DSN1: variants seen among roughly 807,000 people sequenced by gnomAD.
The protein encoded by DSN1 is DSN1 component of MIS12 kinetochore complex.
Under a neutral mutation model 45.7 loss-of-function variants are expected in DSN1, and 31 were observed. The observed-to-expected ratio is 0.68, with a 90% CI of 0.51 to 0.92. The LOEUF (loss-of-function observed/expected upper bound fraction) is 0.92, where lower values mean the gene tolerates loss of function less well. Among genes scored for constraint, DSN1 ranks in the 40% least tolerant of loss-of-function variants. The probability of loss-of-function intolerance (pLI) is 0.00; values close to 1 mark genes in which losing one functional copy is unlikely to be tolerated. For synonymous variants in DSN1, 134 were observed against 142.3 expected (o/e 0.94, Z 0.41); for missense variants, 394 against 414.2 (o/e 0.95, Z 0.42).
At chr20:36,759,789 A>AGGTAATAG (rs1986874139) in intron 6 of DSN1, among the ~76,000 whole-genome samples, 1 of 152,018 alleles carries the variant, frequency 6.6e-6, no homozygotes, top group African/African-American at 2.4e-5. Flanking sequence ...GGCTTGCACT[A>AGGTAATAG]GGTAATAGCT....
intron 8 of DSN1, among the ~76,000 whole-genome samples, chr20:36,757,503 C>T (rs1315763329): frequency 2.6e-5 from 4 of 152,106 alleles, no homozygotes; most frequent in Non-Finnish European, 5.9e-5. Flanking sequence ...TGCTTGAACC[C>T]GGGAGGCAGA....
At chr20:36,762,409 C>A (rs1987046496) in intron 6 of DSN1, 52 bp downstream of exon 6, 9 of 1,554,116 alleles carry the variant, frequency 5.8e-6, no homozygotes, top group Non-Finnish European at 7.9e-6. Flanking sequence ...CAACGCCCGG[C>A]CTAAAGTCCT....
At chr20:36,772,098 C>T (rs573846286) in intron 1 of DSN1, among the ~76,000 whole-genome samples, 1 of 151,756 alleles carries the variant, frequency 6.6e-6, no homozygotes, top group South Asian at 2.1e-4. Flanking sequence ...CCAGGCTGGT[C>T]TCAAACTCCT....
rs6093395 is a variant in DSN1 at position 36,765,964 on chromosome 20, G to A, written c.502+805C>T. On this transcript the variant is annotated intron_variant, in intron 5 of 10. Coordinates refer to ENST00000373750, the MANE Select transcript of DSN1 (RefSeq NM_001145315.2). ...TCCCAGCACTTTAGGAGGCCAAGGC[G>A]GGCGGATCACCTAAGGTCAGGAATT... Among the ~76,000 whole-genome samples the A allele has an allele frequency of 6.8e-3, 1,022 of 151,360 alleles. 13 individuals carry two copies. The highest frequency in any genetic ancestry group is 0.023 in the African/African-American group (953 of 41,276).
At chr20:36,771,678 TC>T (rs1317324045) in intron 1 of DSN1, among the ~76,000 whole-genome samples, 1 of 152,208 alleles carries the variant, frequency 6.6e-6, no homozygotes, top group Non-Finnish European at 1.5e-5. Flanking sequence ...TATTCAAATC[TC>T]CCTGAACACA....
intron 6 of DSN1, among the ~76,000 whole-genome samples, chr20:36,761,157 G>A (rs1986958559): frequency 6.6e-6 from 1 of 152,074 alleles, no homozygotes; most frequent in Non-Finnish European, 1.5e-5. Context: ...AGGTAGCAAA[G>A]ATGTGAATTA....
At chr20:36,753,422 G>A (rs1986483873) in intron 10 of DSN1, among the ~76,000 whole-genome samples, 1 of 150,940 alleles carries the variant, frequency 6.6e-6, no homozygotes, top group African/African-American at 2.4e-5. Flanking sequence ...CAGATCACTT[G>A]CGGTCAGAAG....
In DSN1 at chr20:36,752,108, G is replaced by C. The variant is rs1294616497; in HGVS notation, c.*680C>G. 6.6e-6 allele frequency: 1 copy of C among 151,904 alleles called. No homozygotes were observed. The highest frequency in any genetic ancestry group is 2.4e-5 in the African/African-American group (1 of 41,350). The allele number at this position is 151,904 out of a possible 1,614,324, so 9.4% of individuals were successfully genotyped here. ...CTCACTCTGTCGCTCAGGCTGGAGT[G>C]CAGTGGCGCAATTAGAACTCACTGC... On this transcript the variant is annotated 3_prime_UTR_variant, in exon 11 of 11. Transcript: ENST00000373750.
intron 1 of DSN1, among the ~76,000 whole-genome samples, chr20:36,772,189 C>G (rs1374469437): frequency 6.6e-6 from 1 of 152,040 alleles, no homozygotes; most frequent in African/African-American, 2.4e-5. Flanking sequence ...CTCACTGTTA[C>G]TAGTTTAGTT....
At position 36,766,848 on chromosome 20, in the gene DSN1, AAAG is replaced by A; in HGVS notation, c.430-10_430-8del. 1 of 1,586,652 alleles carries A rather than the reference AAAG, an allele frequency of 6.3e-7. No homozygotes were observed. The highest frequency in any genetic ancestry group is 8.5e-7 in the Non-Finnish European group (1 of 1,170,978). On this transcript the variant is annotated splice_polypyrimidine_tract_variant and splice_region_variant and intron_variant, in intron 4 of 10. Transcript: ENST00000373750. ...CAAGTTTCTGAATAGAGAACTAAAT[AAAG>A]AAAAGCATTTTTAGTACAACCACCA...
intron 3 of DSN1, 134 bp downstream of exon 3, chr20:36,770,739 A>G: frequency 1.0e-6 from 1 of 970,974 alleles, no homozygotes; most frequent in Non-Finnish European, 1.5e-6. Flanking sequence ...GGTGTTTGAC[A>G]TCAGTACTTA....
intron 3 of DSN1, among the ~76,000 whole-genome samples, chr20:36,769,005 T>C (rs1211265801): frequency 1.3e-5 from 2 of 152,226 alleles, no homozygotes; most frequent in Non-Finnish European, 2.9e-5. Context: ...TCATTAAACC[T>C]TGAGGCAAGT....
At chr20:36,764,700 C>T (rs550997932) in intron 5 of DSN1, among the ~76,000 whole-genome samples, 3 of 152,212 alleles carry the variant, frequency 2.0e-5, no homozygotes, top group Admixed American at 1.3e-4. Context: ...GTGGGTGAAT[C>T]ACCTGAGGTC....
intron 5 of DSN1, among the ~76,000 whole-genome samples, chr20:36,765,125 TA>T (rs1338383513): frequency 2.6e-5 from 4 of 151,830 alleles, no homozygotes; most frequent in Non-Finnish European, 5.9e-5. Context: ...GGTGAGAGAA[TA>T]AATTGATACC....
chr20:36,770,039 G>A (rs1987561939), intron 3 of DSN1, among the ~76,000 whole-genome samples: 1 of 150,558 alleles, frequency 6.6e-6, no homozygotes, highest in Non-Finnish European at 1.5e-5. Context: ...AGGGAGGGAG[G>A]AGGGAAGAGA....
In DSN1 at chr20:36,762,567, C is replaced by T. The variant is rs1425942407; in HGVS notation, c.503-19G>A. The T allele has an allele frequency of 1.9e-6, 3 of 1,604,480 alleles. No homozygotes were observed. The highest frequency in any genetic ancestry group is 2.2e-5 in the East Asian group (1 of 44,688). ...GAAGATGCTAGACAGCACAAATTTA[C>T]GTGTCATAAAATAAAGGAAATATAC... On this transcript the variant is annotated intron_variant, in intron 5 of 10. Coordinates refer to ENST00000373750, the MANE Select transcript of DSN1 (RefSeq NM_001145315.2).
In DSN1 at chr20:36,771,184, G is replaced by A. The variant is rs547303492; in HGVS notation, c.44C>T (p.Pro15Leu). 2 of 1,594,574 alleles carry A rather than the reference G, an allele frequency of 1.3e-6. No homozygotes were observed. The highest frequency in any genetic ancestry group is 1.3e-5 in the African/African-American group (1 of 74,108). Residue 15 changes from proline to leucine, a missense_variant, in exon 3 of 11, where the codon CCA (proline) becomes CTA (leucine). Physicochemically the swap from Pro to Leu is moderately conservative, Grantham distance 98 (BLOSUM62 -3). Transcript: ENST00000373750. ...TRSEIIDEKG[P>L]VMSKTHDHQL... ...ATGATCATGAGTCTTAGACATCACT[G>A]GTCCTTTTTCTAGTATTTGTTATAA...
chr20:36,769,813 G>A (rs150949968), intron 3 of DSN1, among the ~76,000 whole-genome samples: 3 of 151,560 alleles, frequency 2.0e-5, no homozygotes, highest in African/African-American at 7.3e-5. Context: ...GTACTTTGAT[G>A]CTAAGATATA....
intron 3 of DSN1, among the ~76,000 whole-genome samples, chr20:36,769,792 C>T (rs1366468041): frequency 6.6e-6 from 1 of 151,830 alleles, no homozygotes; most frequent in Non-Finnish European, 1.5e-5. Flanking sequence ...AGCTTTTCCA[C>T]GTTATGTTCT....
Sources: allele counts gnomAD v4.1 joint callset (sites outside exome capture counted in the v4.1 genomes callset), GRCh38; gene constraint gnomAD v4.1.1; transcripts MANE v1.5; gene names NCBI Gene and HGNC (gene_info 2026-07-23, HGNC 2026-07-21).